Variants in UTRN observed in about 807,000 individuals in gnomAD.
The protein encoded by UTRN is dystrophin-related protein 1.
A neutral mutation model predicts 463.9 loss-of-function variants in UTRN; 283 were observed. The ratio of observed to expected loss-of-function variants is 0.61; its 90% confidence interval spans 0.55 to 0.67. UTRN has a LOEUF of 0.67. Ranked by LOEUF, UTRN falls within the 30% of genes least tolerant of loss-of-function variation. The probability of loss-of-function intolerance (pLI) is 0.00; values close to 1 mark genes in which losing one functional copy is unlikely to be tolerated. For missense variants in UTRN, 3,922 were observed against 4,084.3 expected, an observed-to-expected ratio of 0.96 and a Z score of 1.08; for synonymous variants, 1,442 against 1,431.5, an observed-to-expected ratio of 1.01 and a Z score of -0.17.
At chr6:144,555,026 A>G in intron 49 of UTRN, 133 bp downstream of exon 49, 1 of 1,110,254 alleles carries the variant, frequency 9.0e-7, no homozygotes. Flanking sequence ...AATGAAATTT[A>G]TATGAAGAAT....
intron 2 of UTRN, among the ~76,000 whole-genome samples, chr6:144,389,093 T>C (rs940694338): frequency 7.2e-5 from 11 of 152,316 alleles, no homozygotes; most frequent in African/African-American, 2.2e-4. Context: ...TTATACATTT[T>C]AGGGAGACAT....
At position 144,412,402 on chromosome 6, in the gene UTRN, A is replaced by G. The variant is rs139085485; in HGVS notation, c.141+9218A>G. Among the ~76,000 whole-genome samples, 452 of 152,306 alleles carry G rather than the reference A, an allele frequency of 3.0e-3. 4 individuals are homozygous for G. Among genetic ancestry groups the G allele is most frequent in the African/African-American group, 0.01 (429 of 41,580 alleles). On this transcript the variant is annotated intron_variant, in intron 3 of 74. Transcript: ENST00000367545. The stretch of plus-strand genomic sequence containing the variant: ...TGATGTACATAGTGCTTACTGATGC[A>G]TTATTGATTATTAAGAAATTGAAAA...
At chr6:144,589,866 C>CT (rs901691443) in intron 51 of UTRN, among the ~76,000 whole-genome samples, 1 of 145,088 alleles carries the variant, frequency 6.9e-6, no homozygotes, top group African/African-American at 2.6e-5. Flanking sequence ...TTTTTTTTTT[C>CT]TTTTTTTGAG....
chr6:144,659,592 T>C (rs1779651289), intron 51 of UTRN, among the ~76,000 whole-genome samples: 1 of 152,160 alleles, frequency 6.6e-6, no homozygotes, highest in South Asian at 2.1e-4. Context: ...AGGCTGCTGG[T>C]GTCTGGGAGA....
intron 52 of UTRN, among the ~76,000 whole-genome samples, chr6:144,694,310 T>C (rs997931649): frequency 1.3e-5 from 2 of 151,108 alleles, no homozygotes; most frequent in African/African-American, 4.8e-5. Flanking sequence ...TGAGGATTTT[T>C]GAATTGATGT....
chr6:144,824,572 TTATA>T lies in UTRN; in HGVS notation c.9495-2738_9495-2735del, dbSNP rs71028314. 9.6e-3 allele frequency among the ~76,000 whole-genome samples: 364 copies of T among 37,882 alleles called. 2 individuals are homozygous for T. Among genetic ancestry groups the T allele is most frequent in the Non-Finnish European group, 0.012 (239 of 20,762 alleles). The allele number at this position is 37,882 out of a possible 152,430, so 24.9% of individuals were successfully genotyped here. A position where few individuals can be genotyped will look rare whatever the true frequency, so the allele number is the denominator to read the frequency against. On this transcript the variant is annotated intron_variant, in intron 66 of 74. Coordinates refer to ENST00000367545, the MANE Select transcript of UTRN (RefSeq NM_007124.3). ...TATATATATTAATATAGCATTTTAT[TTATA>T]TATATATATATATATATATATATAT...
intron 32 of UTRN, 90 bp from the exon 33 acceptor site, chr6:144,493,211 C>T (rs762164234): frequency 7.6e-7 from 1 of 1,311,374 alleles, no homozygotes; most frequent in Non-Finnish European, 1.1e-6. Flanking sequence ...TCTTGGCTGT[C>T]AATCTGTGTA....
intron 23 of UTRN, among the ~76,000 whole-genome samples, chr6:144,471,596 G>A (rs997943262): frequency 5.9e-5 from 9 of 152,214 alleles, no homozygotes; most frequent in South Asian, 2.1e-4. Flanking sequence ...CACTCTACCC[G>A]TCCTGAGCAT....
chr6:144,576,034 TC>T (rs1801401005), intron 50 of UTRN, among the ~76,000 whole-genome samples: 1 of 152,220 alleles, frequency 6.6e-6, no homozygotes, highest in Non-Finnish European at 1.5e-5. Flanking sequence ...GTGTTTAACT[TC>T]TTTCACTTAA....
At chr6:144,398,205 CT>C in intron 2 of UTRN, 1 of 241,414 alleles carries the variant, frequency 4.1e-6, no homozygotes, top group Middle Eastern at 5.5e-4. Context: ...ATGAACCTGG[CT>C]TTGGAAGGTA....
chr6:144,537,877 A>C (rs947853165), intron 44 of UTRN, among the ~76,000 whole-genome samples, 160 bp downstream of exon 44: 4 of 152,232 alleles, frequency 2.6e-5, no homozygotes, highest in African/African-American at 9.6e-5. Flanking sequence ...TTTAAAGAGC[A>C]GTTATAATTT....
chr6:144,788,210 T>C (rs182231726), intron 61 of UTRN, among the ~76,000 whole-genome samples: 15 of 152,288 alleles, frequency 9.8e-5, no homozygotes, highest in Admixed American at 9.8e-4. Flanking sequence ...TAATTATAAT[T>C]TGATATTTCC....
intron 34 of UTRN, among the ~76,000 whole-genome samples, chr6:144,503,426 A>G (rs1794398378): frequency 1.3e-5 from 2 of 152,136 alleles, no homozygotes; most frequent in African/African-American, 2.4e-5. Context: ...TAATTTTTGT[A>G]TAAGGTGTAA....
Position 144,851,280 on chromosome 6 carries a change from G to A in UTRN, c.*283G>A, listed in dbSNP as rs1049307226. On this transcript the variant is annotated 3_prime_UTR_variant, in exon 75 of 75. Transcript: ENST00000367545. ...TGGAAATGGTAATACATTTGTCACG[G>A]ATTTGTATAATGTATACAGCATTGG... 1 of 488,832 alleles carries A rather than the reference G, an allele frequency of 2.0e-6. No homozygotes were observed. Among genetic ancestry groups the A allele is most frequent in the African/African-American group, 1.9e-5 (1 of 51,580 alleles). 30.3% of individuals were successfully genotyped at this position (488,832 alleles called of 1,614,324 possible). A position where few individuals can be genotyped will look rare whatever the true frequency, so the allele number is the denominator to read the frequency against.
chr6:144,850,751 C>A (rs1782422821), intron 74 of UTRN, among the ~76,000 whole-genome samples: 1 of 152,196 alleles, frequency 6.6e-6, no homozygotes, highest in African/African-American at 2.4e-5. Flanking sequence ...TTTAACTTTG[C>A]TTCCAGCCTG....
At chr6:144,416,578 T>C (rs956857897) in intron 3 of UTRN, among the ~76,000 whole-genome samples, 5 of 152,196 alleles carry the variant, frequency 3.3e-5, no homozygotes, top group African/African-American at 1.2e-4. Context: ...GCAGCAGTAG[T>C]GTCCCAGCCG....
intron 1 of UTRN, among the ~76,000 whole-genome samples, chr6:144,290,530 G>T (rs1804128626): frequency 6.6e-6 from 1 of 152,118 alleles, no homozygotes; most frequent in Non-Finnish European, 1.5e-5. Flanking sequence ...GATGCCCCAT[G>T]ATTGGTTATG....
chr6:144,637,919 C>T (rs1475909241), intron 51 of UTRN, among the ~76,000 whole-genome samples: 2 of 152,090 alleles, frequency 1.3e-5, no homozygotes, highest in Non-Finnish European at 2.9e-5. Flanking sequence ...GGCTTCTTTA[C>T]GTGAGCCTTT....
chr6:144,749,318 C>T (rs1205314389), intron 55 of UTRN, among the ~76,000 whole-genome samples: 1 of 152,082 alleles, frequency 6.6e-6, no homozygotes, highest in Non-Finnish European at 1.5e-5. Flanking sequence ...GTCAAAACAA[C>T]TGGAAAACGA....
Sources: allele counts gnomAD v4.1 joint callset (sites outside exome capture counted in the v4.1 genomes callset), GRCh38; gene constraint gnomAD v4.1.1; transcripts MANE v1.5; gene names NCBI Gene and HGNC (gene_info 2026-07-23, HGNC 2026-07-21).